YWHAH: variants seen among roughly 807,000 people sequenced by gnomAD.
YWHAH encodes tyrosine 3-monooxygenase/tryptophan 5-monooxygenase activation protein eta.
YWHAH carries 6 observed loss-of-function variants against 22.9 expected under a neutral mutation model. That is an observed-to-expected ratio of 0.26 (90% CI 0.14 to 0.52). The LOEUF is 0.52. YWHAH is among the 20% of genes least tolerant of loss of function. The pLI is 0.97. For synonymous variants in YWHAH, 135 were observed against 124.5 expected (o/e 1.08, Z -0.56); for missense variants, 173 against 308.6 (o/e 0.56, Z 3.29).
chr22:31,946,107 C>G (rs931087812), intron 1 of YWHAH, among the ~76,000 whole-genome samples: 1 of 152,186 alleles, frequency 6.6e-6, no homozygotes, highest in Non-Finnish European at 1.5e-5. Context: ...TGCCTTTCCT[C>G]TGGTGTCCTT....
chr22:31,946,284 A>AG (rs1257710192), intron 1 of YWHAH, among the ~76,000 whole-genome samples: 1 of 152,164 alleles, frequency 6.6e-6, no homozygotes, highest in African/African-American at 2.4e-5. Flanking sequence ...TATGTAATTC[A>AG]GGGGGTCCTT....
rs1259934417 is a variant in YWHAH at position 31,956,840 on chromosome 22, T to C, written c.*48T>C. On this transcript the variant is annotated 3_prime_UTR_variant, in exon 2 of 2. Coordinates refer to ENST00000248975, the MANE Select transcript of YWHAH (RefSeq NM_003405.4). This position sits in a 1 kb window ranked among gnomAD's most constrained non-coding sequence, Gnocchi z 5.1. ...CTTCCTTCACCCACCACCCCCATCA[T>C]CACCGATTCTTCCTTGCCACAATCA... is the stretch of plus-strand genomic sequence containing the variant. 33 of 1,506,394 alleles carry C rather than the reference T, an allele frequency of 2.2e-5. No homozygotes were observed. The highest frequency in any genetic ancestry group is 2.7e-5 in the Non-Finnish European group (30 of 1,127,438). 93.3% of individuals were successfully genotyped at this position (1,506,394 alleles called of 1,614,324 possible).
At chr22:31,945,233 C>G in intron 1 of YWHAH, 1 of 1,143,158 alleles carries the variant, frequency 8.7e-7, no homozygotes, top group Non-Finnish European at 1.1e-6. Flanking sequence ...AAAGAATCAC[C>G]TAGTAAGTGG....
At chr22:31,948,109 G>A (rs964224892) in intron 1 of YWHAH, among the ~76,000 whole-genome samples, 18 of 152,248 alleles carry the variant, frequency 1.2e-4, no homozygotes, top group African/African-American at 3.4e-4. Context: ...GGCCTCGAAC[G>A]TGTAGCCTCA....
Position 31,950,076 on chromosome 22 carries a change from CTTTTTTTTTTTTTTTTTTTTTTTT to C in YWHAH, c.87+5271_87+5294del, listed in dbSNP as rs557406783. Among the ~76,000 whole-genome samples, 168 of 42,194 alleles carry C rather than the reference CTTTTTTTTTTTTTTTTTTTTTTTT, an allele frequency of 4.0e-3. 3 individuals are homozygous for C. In the Middle Eastern group the frequency reaches 0.1, roughly 26 times the overall value. The allele number at this position is 42,194 out of a possible 152,430, so 27.7% of individuals were successfully genotyped here. A position where few individuals can be genotyped will look rare whatever the true frequency, so the allele number is the denominator to read the frequency against. ...TTGCTTGTTCTGAAGGCTTGGAGGCCTTTTTTTTTTTTTTTTTTTTTTTTTTTTTTTTTTTTTTGCTTAACAAAG... is the reference window on the plus strand; with the variant it reads ...TTGCTTGTTCTGAAGGCTTGGAGGCCTTTTTTTTTTTTTTGCTTAACAAAG... On this transcript the variant is annotated intron_variant, in intron 1 of 1. Coordinates refer to ENST00000248975, the MANE Select transcript of YWHAH (RefSeq NM_003405.4).
intron 1 of YWHAH, among the ~76,000 whole-genome samples, chr22:31,949,518 G>T (rs575251058): frequency 1.3e-5 from 2 of 151,286 alleles, no homozygotes; most frequent in South Asian, 2.1e-4. Flanking sequence ...TTTGGTGGGG[G>T]GGGGAGTCAT....
chr22:31,947,248 A>C (rs1442613614), intron 1 of YWHAH, among the ~76,000 whole-genome samples: 1 of 152,208 alleles, frequency 6.6e-6, no homozygotes, highest in East Asian at 1.9e-4. Flanking sequence ...AGCAGGACAC[A>C]TGTGTTAAGG....
At chr22:31,950,567 T>C in intron 1 of YWHAH, 1 of 512,398 alleles carries the variant, frequency 2.0e-6, no homozygotes, top group South Asian at 3.3e-5. Context: ...AAATGTTCAG[T>C]TATGTCAAAA....
intron 1 of YWHAH, chr22:31,950,274 A>T (rs1374418064): frequency 1.3e-6 from 1 of 777,952 alleles, no homozygotes; most frequent in East Asian, 2.4e-5. Flanking sequence ...CCTTTAGTAT[A>T]TTTTTATGCA....
In YWHAH at chr22:31,956,813, C is replaced by T. The variant is rs769211259; in HGVS notation, c.*21C>T. On this transcript the variant is annotated 3_prime_UTR_variant, in exon 2 of 2. Coordinates refer to ENST00000248975, the MANE Select transcript of YWHAH (RefSeq NM_003405.4). The surrounding 1 kb of genome is among the most constrained non-coding windows in gnomAD (Gnocchi z 5.1). Reference sequence around the variant, plus strand: ...ACTGAAGATCCTTCAGGTCCCCTGGCCCTTCCTTCACCCACCACCCCCATC... The same window carrying T: ...ACTGAAGATCCTTCAGGTCCCCTGGTCCTTCCTTCACCCACCACCCCCATC... 32 of 1,548,262 alleles carry T rather than the reference C, an allele frequency of 2.1e-5. No homozygotes were observed. The highest frequency in any genetic ancestry group is 2.5e-5 in the Non-Finnish European group (29 of 1,146,948).
In YWHAH at chr22:31,954,446, CCAACTCTGTTAG is replaced by C. The variant is rs894648104; in HGVS notation, c.88-1680_88-1669del. Among the ~76,000 whole-genome samples the C allele has an allele frequency of 3.9e-5, 6 of 152,112 alleles. No homozygotes were observed. The South Asian group carries it at 6.2e-4, about 16-fold the overall frequency. ...GTCATTTTCTTTGCTTGGGCCCAGA[CCAACTCTGTTAG>C]CAACTCTGTTAGGAACTCTTGTTAG... is the stretch of plus-strand genomic sequence containing the variant. On this transcript the variant is annotated intron_variant, in intron 1 of 1. Coordinates refer to ENST00000248975, the MANE Select transcript of YWHAH (RefSeq NM_003405.4).
intron 1 of YWHAH, chr22:31,945,505 A>G (rs1166385848): frequency 7.7e-7 from 1 of 1,304,050 alleles, no homozygotes; most frequent in Non-Finnish European, 1.0e-6. Context: ...TCTAGGTGAG[A>G]CGAATCTGTG....
chr22:31,956,795 A>G lies in YWHAH; in HGVS notation c.*3A>G, dbSNP rs78386008. 21 of 1,581,988 alleles carry G rather than the reference A, an allele frequency of 1.3e-5. No homozygotes were observed. The Middle Eastern group carries it at 5.0e-4, about 38-fold the overall frequency. ...AAGAAGCAGGAGAAGGCAACTGAAG[A>G]TCCTTCAGGTCCCCTGGCCCTTCCT... is the stretch of plus-strand genomic sequence containing the variant. On this transcript the variant is annotated 3_prime_UTR_variant, in exon 2 of 2. Transcript: ENST00000248975. This position sits in a 1 kb window ranked among gnomAD's most constrained non-coding sequence, Gnocchi z 5.1.
chr22:31,956,867 T>A lies in YWHAH; in HGVS notation c.*75T>A. 1 of 1,470,272 alleles carries A rather than the reference T, an allele frequency of 6.8e-7. No homozygotes were observed. Among genetic ancestry groups the A allele is most frequent in the Non-Finnish European group, 9.0e-7 (1 of 1,105,734 alleles). The allele number at this position is 1,470,272 out of a possible 1,614,324, so 91.1% of individuals were successfully genotyped here. ...ACCGATTCTTCCTTGCCACAATCAC[T>A]AAATATCTAGTGCTAAACCTATCTG... On this transcript the variant is annotated 3_prime_UTR_variant, in exon 2 of 2. Transcript: ENST00000248975. The surrounding 1 kb of genome is among the most constrained non-coding windows in gnomAD (Gnocchi z 5.1).
chr22:31,950,174 A>G (rs1454356480), intron 1 of YWHAH: 1 of 320,216 alleles, frequency 3.1e-6, no homozygotes, highest in Admixed American at 4.5e-5. Context: ...ACTATGTTAC[A>G]TTTTATTTGG....
intron 1 of YWHAH, chr22:31,945,383 C>A: frequency 1.6e-6 from 2 of 1,288,206 alleles, no homozygotes. Flanking sequence ...CCCTTTCCTG[C>A]AGTCTAGGCG....
chr22:31,947,348 T>C (rs1363040039), intron 1 of YWHAH: 1 of 455,910 alleles, frequency 2.2e-6, no homozygotes, highest in South Asian at 1.6e-5. Flanking sequence ...GTTGCTGTTA[T>C]TAACAAGTCA....
rs971487713 is a variant in YWHAH, at chr22:31,945,797, C to G, written c.87+977C>G. The G allele has an allele frequency of 1.5e-5, 12 of 825,952 alleles. No individual in the cohort carries two copies. The African/African-American group carries it at 1.8e-4, about 12-fold the overall frequency. The allele number at this position is 825,952 out of a possible 1,614,324, so 51.2% of individuals were successfully genotyped here. Reference sequence around the variant, plus strand: ...CTGGGAGGATCCCCTTGAACTCCGCCTTAGACCTATACATTCAGAAATTCG... The same window carrying G: ...CTGGGAGGATCCCCTTGAACTCCGCGTTAGACCTATACATTCAGAAATTCG... On this transcript the variant is annotated intron_variant, in intron 1 of 1. Coordinates refer to ENST00000248975, the MANE Select transcript of YWHAH (RefSeq NM_003405.4).
chr22:31,957,399 T>G lies in YWHAH; in HGVS notation c.*607T>G, dbSNP rs561664665. ...CAATGCATCTGAAAGTTTTGATACT[T>G]GTAACTTTTTTTTTTTTTTGGTTGC... On this transcript the variant is annotated 3_prime_UTR_variant, in exon 2 of 2. Coordinates refer to ENST00000248975, the MANE Select transcript of YWHAH (RefSeq NM_003405.4). 1 of 143,152 alleles carries G rather than the reference T, an allele frequency of 7.0e-6. No homozygotes were observed. The highest frequency in any genetic ancestry group is 2.3e-4 in the South Asian group (1 of 4,388). 8.9% of individuals were successfully genotyped at this position (143,152 alleles called of 1,614,324 possible).
Sources: allele counts gnomAD v4.1 joint callset (sites outside exome capture counted in the v4.1 genomes callset), GRCh38; gene constraint gnomAD v4.1.1; non-coding constraint Gnocchi (gnomAD v3.1); transcripts MANE v1.5; gene names NCBI Gene and HGNC (gene_info 2026-07-23, HGNC 2026-07-21).